The following NUDT1 variants were observed in gnomAD, a reference collection of about 807,000 sequenced individuals.
NUDT1 encodes the protein nudix hydrolase 1.
A neutral mutation model predicts 11.3 loss-of-function variants in NUDT1; 16 were observed. The ratio of observed to expected loss-of-function variants is 1.41; its 90% CI spans 0.96 to 2.15. The LOEUF (loss-of-function observed/expected upper bound fraction) is 2.15. NUDT1 is among the 30% of genes most tolerant of loss of function. NUDT1 has a pLI of 0.00. For synonymous variants in NUDT1, 101 were observed against 84.4 expected (o/e 1.20, Z -1.08); for missense variants, 234 against 208.4 (o/e 1.12, Z -0.76).
intron 3 of NUDT1, 106 bp downstream of exon 3, chr7:2,250,108 A>C (rs561323437): frequency 5.7e-5 from 83 of 1,447,178 alleles, no homozygotes; most frequent in Non-Finnish European, 7.7e-5. Flanking sequence ...GGGACCGGGC[A>C]GCCTGCGTCC....
chr7:2,244,659 G>A lies in NUDT1; in HGVS notation c.85G>A (p.Ala29Thr), dbSNP rs774814562. Residue 29 changes from alanine to threonine, a missense_variant, in exon 2 of 4, where the codon GCC becomes ACC. Coordinates refer to ENST00000356714, the MANE Select transcript of NUDT1 (RefSeq NM_002452.4). The stretch of plus-strand genomic sequence containing the variant: ...GGGCATGAAAAAGCGAGGCTTCGGG[G>A]CCGGCCGGTGGAATGGCTTTGGGGG... ...LLGMKKRGFG[A>T]GRWNGFGGKV... 20 of 1,613,750 alleles carry A rather than the reference G, an allele frequency of 1.2e-5. No individual in the cohort carries two copies. The highest frequency in any genetic ancestry group is 1.1e-4 in the East Asian group (5 of 44,894).
At chr7:2,244,528 T>G in intron 1 of NUDT1, 35 bp from the exon 2 acceptor site, 1 of 1,491,060 alleles carries the variant, frequency 6.7e-7, no homozygotes, top group Non-Finnish European at 9.0e-7. Flanking sequence ...TCCACGCACG[T>G]CATGGCTGAC....
chr7:2,250,908 C>A lies in NUDT1; in HGVS notation c.378C>A (p.Leu126=). ...MWPDDSYWFP[L]LLQKKKFHGY... ...CCGACGACAGCTACTGGTTTCCACTCCTGCTTCAGAAGAAGAAATTCCACG... is the reference window on the plus strand; with the variant it reads ...CCGACGACAGCTACTGGTTTCCACTACTGCTTCAGAAGAAGAAATTCCACG... Residue 126 remains leucine, a synonymous_variant, in exon 4 of 4, where the codon CTC becomes CTA. Coordinates refer to ENST00000356714, the MANE Select transcript of NUDT1 (RefSeq NM_002452.4). 1.2e-6 allele frequency: 2 copies of A among 1,614,186 alleles called. No homozygotes were observed. The highest frequency in any genetic ancestry group is 1.7e-6 in the Non-Finnish European group (2 of 1,180,030).
At chr7:2,249,525 A>G in intron 2 of NUDT1, 1 of 402,086 alleles carries the variant, frequency 2.5e-6, no homozygotes, top group Middle Eastern at 7.5e-4. Flanking sequence ...ACGGTGGACA[A>G]GTGGCTGGAC....
At position 2,247,634 on chromosome 7, in the gene NUDT1, G is replaced by A. The variant is rs188051996; in HGVS notation, c.153-2223G>A. Among the ~76,000 whole-genome samples, 319 of 152,286 alleles carry A rather than the reference G, an allele frequency of 2.1e-3. 2 individuals are homozygous for A. Among genetic ancestry groups the A allele is most frequent in the African/African-American group, 7.1e-3 (297 of 41,556 alleles). On this transcript the variant is annotated intron_variant, in intron 2 of 3. Transcript: ENST00000356714. ...TCATGTATTTCTCACCCTGTTCCCC[G>A]TGTTCCGCCTGGGGAACCGAGTGCC...
In NUDT1 at chr7:2,250,680, G is replaced by T. The variant is rs571873619; in HGVS notation, c.299-149G>T. On this transcript the variant is annotated intron_variant, in intron 3 of 3. Coordinates refer to ENST00000356714, the MANE Select transcript of NUDT1 (RefSeq NM_002452.4). ...TCACCGTGTTAGCCAGGATGGTCTC[G>T]ATCTCCTGACCTCGTGATCCTCCCG... 7.3e-5 allele frequency: 39 copies of T among 534,436 alleles called. 2 individuals carry two copies. Among genetic ancestry groups the T allele is most frequent in the South Asian group, 4.3e-4 (25 of 57,888 alleles). 33.1% of individuals were successfully genotyped at this position (534,436 alleles called of 1,614,324 possible).
Position 2,247,838 on chromosome 7 carries a change from G to A in NUDT1, c.153-2019G>A, listed in dbSNP as rs570254726. On this transcript the variant is annotated intron_variant, in intron 2 of 3. Coordinates refer to ENST00000356714, the MANE Select transcript of NUDT1 (RefSeq NM_002452.4). ...TCACAATATCCCACTGGGAGGTGAC[G>A]CTTTTTAAGACGAGCAACAGCCGGC... Among the ~76,000 whole-genome samples the A allele has an allele frequency of 6.6e-5, 10 of 152,340 alleles. No homozygotes were observed. The East Asian group carries it at 1.2e-3, about 18-fold the overall frequency.
intron 2 of NUDT1, among the ~76,000 whole-genome samples, chr7:2,245,384 G>A (rs4719468): frequency 6.6e-6 from 1 of 152,014 alleles, no homozygotes; most frequent in African/African-American, 2.4e-5. Context: ...GAACTACAGA[G>A]TAAAGAGGGT....
intron 1 of NUDT1, chr7:2,242,908 G>A: frequency 1.4e-6 from 1 of 707,188 alleles, no homozygotes; most frequent in Non-Finnish European, 2.6e-6. Flanking sequence ...AGGACAGAGG[G>A]CTTTCTGTAT....
In NUDT1 at chr7:2,244,570, G is replaced by C; in HGVS notation, c.-5G>C. 1 of 1,567,000 alleles carries C rather than the reference G, an allele frequency of 6.4e-7. No individual in the cohort carries two copies. Among genetic ancestry groups the C allele is most frequent in the Non-Finnish European group, 8.7e-7 (1 of 1,154,664 alleles). ...CTCTCACCTTCCTTTCAGAACCCAG[G>C]GACCATGGGCGCCTCCAGGCTCTAT... is the stretch of plus-strand genomic sequence containing the variant. On this transcript the variant is annotated 5_prime_UTR_variant, in exon 2 of 4. Coordinates refer to ENST00000356714, the MANE Select transcript of NUDT1 (RefSeq NM_002452.4).
At position 2,250,835 on chromosome 7, in the gene NUDT1, G is replaced by A. The variant is rs202044583; in HGVS notation, c.305G>A (p.Arg102His). The A allele has an allele frequency of 6.2e-5, 100 of 1,614,100 alleles. No homozygotes were observed. Among genetic ancestry groups the A allele is most frequent in the South Asian group, 5.2e-4 (47 of 91,078 alleles). The change falls in exon 4 of 4, where the codon CGC (arginine) becomes CAC (histidine). Residue 102 changes from arginine (R) to histidine (H), a missense_variant. Coordinates refer to ENST00000356714, the MANE Select transcript of NUDT1 (RefSeq NM_002452.4). ...QGTPVESDEM[R>H]PCWFQLDQIP... ...TCTTCCCCCATTGGTACAGAAATGC[G>A]CCCATGCTGGTTCCAGCTGGATCAG... is the stretch of plus-strand genomic sequence containing the variant.
intron 2 of NUDT1, 44 bp downstream of exon 2, chr7:2,244,770 G>GC: frequency 6.3e-7 from 1 of 1,581,704 alleles, no homozygotes; most frequent in Non-Finnish European, 8.6e-7. Flanking sequence ...CTTTCCCAGG[G>GC]CACAGGGATT....
intron 2 of NUDT1, among the ~76,000 whole-genome samples, chr7:2,245,583 C>G (rs575892006): frequency 6.6e-6 from 1 of 152,274 alleles, no homozygotes; most frequent in Non-Finnish European, 1.5e-5. Context: ...CGATTCATTT[C>G]TCTTTTTTTC....
At chr7:2,244,451 T>TGG in intron 1 of NUDT1, 112 bp from the exon 2 acceptor site, 4 of 981,610 alleles carry the variant, frequency 4.1e-6, no homozygotes, top group Non-Finnish European at 5.9e-6. Flanking sequence ...AGTTACAGCA[T>TGG]ACCCCCCCGC....
intron 3 of NUDT1, among the ~76,000 whole-genome samples, chr7:2,250,609 C>T (rs941243729): frequency 2.4e-4 from 36 of 150,892 alleles, no homozygotes; most frequent in Non-Finnish European, 3.6e-4. Flanking sequence ...AGGCGCCCGC[C>T]ACCACGCCCG....
chr7:2,247,029 C>T (rs942610645), intron 2 of NUDT1, among the ~76,000 whole-genome samples: 8 of 152,096 alleles, frequency 5.3e-5, no homozygotes, highest in Non-Finnish European at 1.0e-4. Context: ...GGTCCCAGGG[C>T]CCCGGGAACC....
intron 2 of NUDT1, among the ~76,000 whole-genome samples, chr7:2,246,764 C>T (rs760797485): frequency 1.3e-5 from 2 of 152,130 alleles, no homozygotes; most frequent in African/African-American, 4.8e-5. Flanking sequence ...GGCACAGAGC[C>T]GGAAGCCTGT....
chr7:2,248,237 G>A (rs1794845011), intron 2 of NUDT1: 1 of 152,286 alleles, frequency 6.6e-6, no homozygotes. Flanking sequence ...GTAAGAGGAG[G>A]AGACTGAGGT....
chr7:2,249,780 G>C, intron 2 of NUDT1, 77 bp from the exon 3 acceptor site: 2 of 1,585,324 alleles, frequency 1.3e-6, no homozygotes, highest in African/African-American at 1.3e-5. Flanking sequence ...TAGATGCCCA[G>C]CTCCTCCTCC....
Sources: gnomAD v4.1 joint callset for allele counts (sites outside exome capture counted in the v4.1 genomes callset) on GRCh38, gnomAD v4.1.1 for gene constraint, MANE v1.5 for transcripts, NCBI Gene and HGNC (gene_info 2026-07-23, HGNC 2026-07-21) for gene names.